The following BRINP1 variants were observed in gnomAD, a reference collection of about 807,000 sequenced individuals.
BRINP1 encodes BMP/retinoic acid-inducible neural-specific protein 1.
BRINP1 carries 17 observed loss-of-function variants against 72.9 expected under a neutral mutation model. The observed-to-expected ratio is 0.23, with a 90% confidence interval of 0.16 to 0.35. The LOEUF is 0.35. BRINP1 is among the 10% of genes least tolerant of loss of function. The pLI is 1.00. For missense variants in BRINP1, 850 were observed against 1,001.6 expected, an observed-to-expected ratio of 0.85 and a Z score of 2.04; for synonymous variants, 418 against 378.5, an observed-to-expected ratio of 1.10 and a Z score of -1.21.
chr9:119,235,663 T>A (rs1830186554), intron 5 of BRINP1, among the ~76,000 whole-genome samples: 1 of 152,204 alleles, frequency 6.6e-6, no homozygotes. Flanking sequence ...GTCTATCTCA[T>A]TACCAACATG....
At chr9:119,206,419 C>CAAAAAAAA (rs56106482) in intron 7 of BRINP1, among the ~76,000 whole-genome samples, 5 of 87,160 alleles carry the variant, frequency 5.7e-5, no homozygotes, top group African/African-American at 1.3e-4. Context: ...GACTCCATCT[C>CAAAAAAAA]AAAAAAAAAA....
At chr9:119,354,093 A>T (rs944762184) in intron 1 of BRINP1, among the ~76,000 whole-genome samples, 11 of 151,974 alleles carry the variant, frequency 7.2e-5, no homozygotes, top group African/African-American at 2.4e-4. Flanking sequence ...GTAATTTTTT[A>T]AAAATATCAT....
At chr9:119,350,412 T>A (rs775798321) in intron 1 of BRINP1, among the ~76,000 whole-genome samples, 2 of 152,164 alleles carry the variant, frequency 1.3e-5, no homozygotes, top group Non-Finnish European at 2.9e-5. Context: ...GTAACACGGA[T>A]GAATTTATAC....
intron 6 of BRINP1, among the ~76,000 whole-genome samples, 178 bp from the exon 7 acceptor site, chr9:119,209,119 T>C (rs551523089): frequency 6.6e-6 from 1 of 152,300 alleles, no homozygotes; most frequent in South Asian, 2.1e-4. Context: ...GGGCAAAAGC[T>C]ACTATGCTTT....
intron 5 of BRINP1, among the ~76,000 whole-genome samples, chr9:119,216,186 T>A (rs1269568264): frequency 6.6e-6 from 1 of 152,204 alleles, no homozygotes; most frequent in Non-Finnish European, 1.5e-5. Context: ...TGTGGGTGTA[T>A]AATCAAAAGG....
chr9:119,356,612 T>C (rs552811539), intron 1 of BRINP1, among the ~76,000 whole-genome samples: 5 of 152,142 alleles, frequency 3.3e-5, no homozygotes, highest in South Asian at 4.1e-4. Flanking sequence ...AGACCCAGCC[T>C]GGGCAGCATG....
intron 1 of BRINP1, among the ~76,000 whole-genome samples, chr9:119,316,238 C>G (rs966026111): frequency 6.6e-6 from 1 of 152,132 alleles, no homozygotes; most frequent in African/African-American, 2.4e-5. Flanking sequence ...AGGTGCACGC[C>G]ACCATGCCCA....
At chr9:119,253,103 G>A (rs1435069105) in intron 2 of BRINP1, among the ~76,000 whole-genome samples, 1 of 152,186 alleles carries the variant, frequency 6.6e-6, no homozygotes, top group Non-Finnish European at 1.5e-5. Flanking sequence ...TACCTGCTCA[G>A]CACCACGGAC....
chr9:119,177,451 G>C (rs1829501816), intron 7 of BRINP1, among the ~76,000 whole-genome samples: 1 of 152,156 alleles, frequency 6.6e-6, no homozygotes, highest in Non-Finnish European at 1.5e-5. Flanking sequence ...CCCTGATTGC[G>C]TGGTTCCATC....
chr9:119,285,087 C>T (rs986499913), intron 2 of BRINP1, among the ~76,000 whole-genome samples: 1 of 151,896 alleles, frequency 6.6e-6, no homozygotes, highest in African/African-American at 2.4e-5. Context: ...TTTTGCCTGC[C>T]ACTGAGAAAT....
At chr9:119,192,066 T>C (rs1829689208) in intron 7 of BRINP1, among the ~76,000 whole-genome samples, 1 of 151,954 alleles carries the variant, frequency 6.6e-6, no homozygotes, top group Non-Finnish European at 1.5e-5. Context: ...CTAATGACAT[T>C]GAACCCTTAT....
intron 1 of BRINP1, among the ~76,000 whole-genome samples, chr9:119,366,777 T>C (rs1285926269): frequency 6.6e-6 from 1 of 151,890 alleles, no homozygotes; most frequent in Non-Finnish European, 1.5e-5. Flanking sequence ...GAAAGGGTAT[T>C]GATCTAGCTG....
At chr9:119,290,939 A>G (rs1273054958) in intron 2 of BRINP1, among the ~76,000 whole-genome samples, 2 of 152,070 alleles carry the variant, frequency 1.3e-5, no homozygotes, top group East Asian at 3.9e-4. Context: ...CCTGGCCAAC[A>G]TGGTGAAACT....
Position 119,252,629 on chromosome 9 carries a change from C to T in BRINP1, c.219-3479G>A, listed in dbSNP as rs539961724. Among the ~76,000 whole-genome samples the T allele has an allele frequency of 1.1e-4, 16 of 151,626 alleles. No individual in the cohort carries two copies. The South Asian group carries it at 3.1e-3, about 30-fold the overall frequency. On this transcript the variant is annotated intron_variant, in intron 2 of 7. Coordinates refer to ENST00000265922, the MANE Select transcript of BRINP1 (RefSeq NM_014618.3). ...GTTGCTTTTTTCATATGAACACACCCGTATTCCTTAAAATTAATATTTATT... is the reference window on the plus strand; with the variant it reads ...GTTGCTTTTTTCATATGAACACACCTGTATTCCTTAAAATTAATATTTATT...
At chr9:119,286,786 C>T (rs2118968352) in intron 2 of BRINP1, among the ~76,000 whole-genome samples, 1 of 152,330 alleles carries the variant, frequency 6.6e-6, no homozygotes. Flanking sequence ...GACGGGGGAA[C>T]TCACCAGACA....
chr9:119,210,586 C>G (rs1829912091), intron 6 of BRINP1, among the ~76,000 whole-genome samples: 1 of 152,116 alleles, frequency 6.6e-6, no homozygotes, highest in African/African-American at 2.4e-5. Context: ...TGTGTTCTTA[C>G]TTAGTATATT....
At chr9:119,268,086 T>C (rs1830566522) in intron 2 of BRINP1, among the ~76,000 whole-genome samples, 1 of 151,654 alleles carries the variant, frequency 6.6e-6, no homozygotes, top group East Asian at 2.0e-4. Context: ...CTACTAAAAA[T>C]ACAAAACTTA....
At chr9:119,324,754 G>T (rs769460433) in intron 1 of BRINP1, among the ~76,000 whole-genome samples, 14 of 152,134 alleles carry the variant, frequency 9.2e-5, no homozygotes, top group Admixed American at 4.6e-4. Context: ...AAGGAATACT[G>T]CCAAAAATTT....
At chr9:119,308,500 A>G (rs1831022532) in intron 2 of BRINP1, among the ~76,000 whole-genome samples, 1 of 152,198 alleles carries the variant, frequency 6.6e-6, no homozygotes, top group Admixed American at 6.5e-5. Flanking sequence ...ATACTCTTGA[A>G]TGACTGCTGT....
Sources: allele counts gnomAD v4.1 joint callset (sites outside exome capture counted in the v4.1 genomes callset), GRCh38; gene constraint gnomAD v4.1.1; transcripts MANE v1.5; gene names NCBI Gene and HGNC (gene_info 2026-07-23, HGNC 2026-07-21).